ARPP21: variants seen among roughly 807,000 people sequenced by gnomAD.
The protein encoded by ARPP21 is cAMP-regulated phosphoprotein 21.
Under a neutral mutation model 113.2 loss-of-function variants are expected in ARPP21, and 69 were observed. The ratio of observed to expected loss-of-function variants is 0.61; its 90% confidence interval spans 0.50 to 0.74. The LOEUF is 0.74. ARPP21 is among the 30% of genes least tolerant of loss of function. The pLI is 0.00. For missense variants in ARPP21, 1,070 were observed against 1,037.4 expected (o/e 1.03, Z -0.43); for synonymous variants, 368 against 375.5 (o/e 0.98, Z 0.23).
chr3:35,737,205 C>T lies in ARPP21; in HGVS notation c.1487C>T (p.Thr496Ile). 3 of 1,610,462 alleles carry T rather than the reference C, an allele frequency of 1.9e-6. No homozygotes were observed. The highest frequency in any genetic ancestry group is 2.5e-6 in the Non-Finnish European group (3 of 1,177,648). Reference protein sequence around the residue: ...TGQPFVNPDGTPAIYNPPTSQ... With the variant: ...TGQPFVNPDGIPAIYNPPTSQ... Reference sequence around the variant, plus strand: ...CAGCCCTTTGTGAATCCCGATGGAACTCCTGCAATATACAACCCACCCACC... The same window carrying T: ...CAGCCCTTTGTGAATCCCGATGGAATTCCTGCAATATACAACCCACCCACC... The change falls in exon 16 of 21, where the codon ACT becomes ATT. Residue 496 changes from threonine (T) to isoleucine (I), a missense_variant. By Grantham distance (89) the Thr-to-Ile change is moderately conservative. Coordinates refer to ENST00000684406, the MANE Select transcript of ARPP21 (RefSeq NM_001385562.1).
chr3:35,645,957 A>G (rs1276555034), intron 1 of ARPP21, among the ~76,000 whole-genome samples: 3 of 152,074 alleles, frequency 2.0e-5, no homozygotes, highest in African/African-American at 7.2e-5. Flanking sequence ...ATCTTTAAAG[A>G]ACAAAATTGA....
intron 6 of ARPP21, among the ~76,000 whole-genome samples, chr3:35,688,177 T>G (rs1180416551): frequency 6.6e-6 from 1 of 151,568 alleles, no homozygotes; most frequent in Non-Finnish European, 1.5e-5. Flanking sequence ...AAATCTGCCC[T>G]AAATTTAGGT....
chr3:35,729,646 C>G (rs932139521), intron 15 of ARPP21, 110 bp downstream of exon 15: 15 of 936,298 alleles, frequency 1.6e-5, no homozygotes, highest in Admixed American at 4.3e-5. Flanking sequence ...AACAGGAAAG[C>G]TAGTTGCATG....
At chr3:35,641,635 C>T (rs1698118490) in intron 1 of ARPP21, 1 of 152,166 alleles carries the variant, frequency 6.6e-6, no homozygotes, top group Non-Finnish European at 1.5e-5. Context: ...ACTTCTGCTG[C>T]ATTTCTAATG....
intron 19 of ARPP21, 105 bp from the exon 20 acceptor site, chr3:35,792,277 G>A: frequency 1.1e-6 from 1 of 889,860 alleles, no homozygotes; most frequent in Non-Finnish European, 1.8e-6. Context: ...TGAATGTGGA[G>A]ACTGAGATGT....
chr3:35,759,139 T>C (rs1021914805), intron 19 of ARPP21, among the ~76,000 whole-genome samples: 3 of 152,056 alleles, frequency 2.0e-5, no homozygotes, highest in Admixed American at 2.0e-4. Context: ...GTTTTCTCTG[T>C]ATATTAAAAA....
intron 19 of ARPP21, among the ~76,000 whole-genome samples, chr3:35,757,365 C>T (rs2095610160): frequency 6.6e-6 from 1 of 152,036 alleles, no homozygotes; most frequent in African/African-American, 2.4e-5. Flanking sequence ...ACCCAGACCC[C>T]TTCAATGAAT....
chr3:35,705,820 T>A (rs2088738399), intron 9 of ARPP21, among the ~76,000 whole-genome samples: 1 of 152,238 alleles, frequency 6.6e-6, no homozygotes, highest in Non-Finnish European at 1.5e-5. Context: ...TTCCAGTTTT[T>A]TGCTATTGTC....
At chr3:35,707,643 T>C in intron 10 of ARPP21, 1 of 422,710 alleles carries the variant, frequency 2.4e-6, no homozygotes, top group Non-Finnish European at 4.8e-6. Context: ...CCATGTTTTA[T>C]GGTCCATGTA....
intron 14 of ARPP21, among the ~76,000 whole-genome samples, chr3:35,722,761 A>G (rs2093215138): frequency 6.6e-6 from 1 of 152,224 alleles, no homozygotes; most frequent in African/African-American, 2.4e-5. Flanking sequence ...ATGGAAGCAT[A>G]CACCACGATG....
At chr3:35,684,110 T>A in intron 5 of ARPP21, 1 of 1,522,148 alleles carries the variant, frequency 6.6e-7, no homozygotes, top group Non-Finnish European at 8.8e-7. Flanking sequence ...TGAATTTTCC[T>A]CAAAGGCTCT....
intron 19 of ARPP21, among the ~76,000 whole-genome samples, chr3:35,780,777 G>T (rs535817854): frequency 6.6e-6 from 1 of 152,194 alleles, no homozygotes; most frequent in South Asian, 2.1e-4. Flanking sequence ...TTAAGGCTTA[G>T]CAATTCGTAT....
intron 18 of ARPP21, among the ~76,000 whole-genome samples, chr3:35,742,805 G>A (rs2094752665): frequency 6.6e-6 from 1 of 152,128 alleles, no homozygotes; most frequent in African/African-American, 2.4e-5. Flanking sequence ...ATGTTTGTAG[G>A]CGGTCTACTA....
chr3:35,668,225 AT>A (rs954950431), intron 1 of ARPP21, among the ~76,000 whole-genome samples: 16 of 152,280 alleles, frequency 1.1e-4, no homozygotes, highest in South Asian at 2.1e-4. Flanking sequence ...GGAAGTGTAT[AT>A]TTTTTAATAA....
At chr3:35,746,690 C>T (rs1010955621) in intron 19 of ARPP21, among the ~76,000 whole-genome samples, 4 of 152,190 alleles carry the variant, frequency 2.6e-5, no homozygotes, top group African/African-American at 7.2e-5. Context: ...TAGAGTGAGA[C>T]AGAATTATGT....
chr3:35,733,757 C>T (rs4678802), intron 15 of ARPP21, among the ~76,000 whole-genome samples: 72,690 of 151,974 alleles, frequency 0.48, 18,275 homozygotes, highest in East Asian at 0.8. Context: ...TTTCCATCTC[C>T]CCTTGGTGAG....
At chr3:35,685,697 C>T (rs1423930149) in intron 5 of ARPP21, 7 of 983,736 alleles carry the variant, frequency 7.1e-6, no homozygotes, top group African/African-American at 3.5e-5. Context: ...TCAGTCTGTC[C>T]TTAAGTTAAA....
At chr3:35,746,091 T>C (rs537377052) in intron 19 of ARPP21, among the ~76,000 whole-genome samples, 49 of 152,348 alleles carry the variant, frequency 3.2e-4, no homozygotes, top group African/African-American at 1.1e-3. Flanking sequence ...CCAGAAATGA[T>C]GGCATTAGTA....
At chr3:35,736,458 A>C (rs2094356198) in intron 15 of ARPP21, among the ~76,000 whole-genome samples, 1 of 152,210 alleles carries the variant, frequency 6.6e-6, no homozygotes, top group Non-Finnish European at 1.5e-5. Flanking sequence ...TTTGTAAACT[A>C]TAAAATACTC....
Sources: allele counts gnomAD v4.1 joint callset (sites outside exome capture counted in the v4.1 genomes callset), GRCh38; gene constraint gnomAD v4.1.1; transcripts MANE v1.5; gene names NCBI Gene and HGNC (gene_info 2026-07-23, HGNC 2026-07-21).